CD163L1: variants seen among roughly 807,000 people sequenced by gnomAD.
The protein encoded by CD163L1 is scavenger receptor cysteine-rich type 1 protein M160.
A neutral mutation model predicts 165.4 loss-of-function variants in CD163L1; 124 were observed. The ratio of observed to expected loss-of-function variants is 0.75; its 90% CI spans 0.65 to 0.87. The LOEUF (loss-of-function observed/expected upper bound fraction) is 0.87. Among genes scored for constraint, CD163L1 ranks in the 40% least tolerant of loss-of-function variants. The pLI is 0.00. For synonymous variants in CD163L1, 585 were observed against 662.2 expected (o/e 0.88, Z 1.79); for missense variants, 1,525 against 1,799.9 (o/e 0.85, Z 2.76).
chr12:7,413,616 G>T (rs530743118), intron 4 of CD163L1, among the ~76,000 whole-genome samples: 31 of 152,192 alleles, frequency 2.0e-4, no homozygotes, highest in Admixed American at 7.2e-4. Flanking sequence ...TGTGTGTGAG[G>T]TTCCATAGAT....
chr12:7,437,353 T>C (rs1456233680), intron 2 of CD163L1, among the ~76,000 whole-genome samples: 8 of 55,608 alleles, frequency 1.4e-4, no homozygotes, highest in Non-Finnish European at 3.7e-5. Flanking sequence ...TACTTTTATA[T>C]TTATTAAGTT....
chr12:7,415,603 T>G (rs985746335), intron 4 of CD163L1, among the ~76,000 whole-genome samples: 1 of 151,434 alleles, frequency 6.6e-6, no homozygotes, highest in African/African-American at 2.4e-5. Flanking sequence ...CAGGCCCTGG[T>G]GTGTGATGTT....
intron 18 of CD163L1, among the ~76,000 whole-genome samples, chr12:7,365,261 C>T (rs1565772921): frequency 1.3e-5 from 2 of 152,026 alleles, no homozygotes; most frequent in South Asian, 2.1e-4. Flanking sequence ...TATAAAACAC[C>T]AAATAAAAAC....
At chr12:7,362,888 T>G (rs980769852) in intron 18 of CD163L1, among the ~76,000 whole-genome samples, 12 of 150,890 alleles carry the variant, frequency 8.0e-5, no homozygotes, top group African/African-American at 2.9e-4. Context: ...AACAAGTGGA[T>G]AAAGAAAATG....
At chr12:7,340,353 G>C in the CD163L1 span, among the ~76,000 whole-genome samples, 3 of 152,040 alleles carry the variant, frequency 2.0e-5, no homozygotes, top group Non-Finnish European at 4.4e-5. Context: ...TTGGGTTGTC[G>C]CCTCCCCACC....
chr12:7,352,026 A>T (rs1946709467), downstream of CD163L1, among the ~76,000 whole-genome samples: 1 of 152,190 alleles, frequency 6.6e-6, no homozygotes, highest in South Asian at 2.1e-4. Flanking sequence ...GCTCTTACTG[A>T]CAGTAGAATT....
intron 2 of CD163L1, among the ~76,000 whole-genome samples, chr12:7,436,687 G>A (rs915507508): frequency 4.1e-5 from 6 of 146,764 alleles, no homozygotes; most frequent in Admixed American, 6.9e-5. Flanking sequence ...GTGAAACTCC[G>A]TCTCTTTAAA....
rs140510933 is a variant in CD163L1 at position 7,425,913 on chromosome 12, A to G, written c.766+6503T>C. ...TCCTCAAGGGTTTAGAACTAGAAAT[A>G]CCATTTGACCCATCAATCCCATTAC... On this transcript the variant is annotated intron_variant, in intron 4 of 19. Coordinates refer to ENST00000313599, the MANE Select transcript of CD163L1 (RefSeq NM_174941.6). Among the ~76,000 whole-genome samples the G allele has an allele frequency of 2.0e-5, 3 of 152,284 alleles. 1 individual carries two copies. Among genetic ancestry groups the G allele is most frequent in the African/African-American group, 7.2e-5 (3 of 41,564 alleles).
In CD163L1 at chr12:7,368,041, G is replaced by A; in HGVS notation, c.4183+46C>T. Reference sequence around the variant, plus strand: ...AGAATCCCCCATCCTGTGTGCCCTTGGTGGCAGGTAACTCACATTTTATAC... The same window carrying A: ...AGAATCCCCCATCCTGTGTGCCCTTAGTGGCAGGTAACTCACATTTTATAC... On this transcript the variant is annotated intron_variant, in intron 17 of 19. Coordinates refer to ENST00000313599, the MANE Select transcript of CD163L1 (RefSeq NM_174941.6). The surrounding 1 kb of genome is among the most constrained non-coding windows in gnomAD (Gnocchi z 4.3). 1 of 1,080,138 alleles carries A rather than the reference G, an allele frequency of 9.3e-7. No individual in the cohort carries two copies. Among genetic ancestry groups the A allele is most frequent in the Non-Finnish European group, 1.4e-6 (1 of 697,460 alleles). 66.9% of individuals were successfully genotyped at this position (1,080,138 alleles called of 1,614,324 possible).
chr12:7,357,326 G>A (rs1946798052), intron 19 of CD163L1, 54 bp downstream of exon 19: 11 of 1,139,112 alleles, frequency 9.7e-6, no homozygotes, highest in African/African-American at 1.5e-5. Context: ...TTAATTCTGC[G>A]ACAGTGGGAG....
rs1343659654 is a variant in CD163L1 at position 7,369,515 on chromosome 12, G to A, written c.3881C>T (p.Ala1294Val). Reference sequence around the variant, plus strand: ...GCCAAACGAAGCGTCCCTCAGGGCAGCCAGAGCAGAGCCACAGCCCAGCTG... The same window carrying A: ...GCCAAACGAAGCGTCCCTCAGGGCAACCAGAGCAGAGCCACAGCCCAGCTG... The part of the protein sequence containing the change: ...CQQLGCGSAL[A>V]ALRDASFGQG... Residue 1294 changes from alanine (A) to valine (V), a missense_variant, in exon 15 of 20, where the codon GCT becomes GTT. Coordinates refer to ENST00000313599, the MANE Select transcript of CD163L1 (RefSeq NM_174941.6). The surrounding 1 kb of genome is among the most constrained non-coding windows in gnomAD (Gnocchi z 4.9). 6.2e-7 allele frequency: 1 copy of A among 1,614,136 alleles called. No individual in the cohort carries two copies.
At chr12:7,411,461 T>C (rs1948136801) in intron 4 of CD163L1, among the ~76,000 whole-genome samples, 1 of 152,162 alleles carries the variant, frequency 6.6e-6, no homozygotes, top group African/African-American at 2.4e-5. Flanking sequence ...CTCTCATGAA[T>C]GGCTTTGTGC....
chr12:7,358,644 C>T (rs1038247619), intron 18 of CD163L1, among the ~76,000 whole-genome samples: 1 of 152,130 alleles, frequency 6.6e-6, no homozygotes, highest in Non-Finnish European at 1.5e-5. Context: ...CACCAACACT[C>T]TCTTTACCTC....
Position 7,374,473 on chromosome 12 carries a change from C to T in CD163L1, c.3378G>A (p.Arg1126=), listed in dbSNP as rs1423059438. Residue 1126 remains arginine (R), a synonymous_variant, in exon 13 of 20, where the codon AGG becomes AGA. Coordinates refer to ENST00000313599, the MANE Select transcript of CD163L1 (RefSeq NM_174941.6). This position sits in a 1 kb window ranked among gnomAD's most constrained non-coding sequence, Gnocchi z 5.4. The part of the protein sequence containing the change: ...PSRGWGQHDC[R]HKEDAGVICS... ...AGATGACCCCTGCGTCCTCCTTGTG[C>T]CTGCAGTCGTGCTGCCCCCAGCCGC... 1 of 1,613,768 alleles carries T rather than the reference C, an allele frequency of 6.2e-7. No individual in the cohort carries two copies. Among genetic ancestry groups the T allele is most frequent in the Non-Finnish European group, 8.5e-7 (1 of 1,179,824 alleles).
chr12:7,440,749 C>T (rs955155053), intron 2 of CD163L1, among the ~76,000 whole-genome samples: 10 of 151,890 alleles, frequency 6.6e-5, no homozygotes, highest in African/African-American at 2.2e-4. Flanking sequence ...ACTTCAGCCC[C>T]CCAAGTAGCT....
Position 7,375,318 on chromosome 12 carries a change from G to A in CD163L1, c.2964C>T (p.Pro988=). Residue 988 remains proline (P), a synonymous_variant, in exon 11 of 20, where the codon CCC becomes CCT. Coordinates refer to ENST00000313599, the MANE Select transcript of CD163L1 (RefSeq NM_174941.6). Reference sequence around the variant, plus strand: ...CAGAGACAGTATTTCCATGGATACAGGGAGGTGCTCCAAGAACTGTCATTT... The same window carrying A: ...CAGAGACAGTATTTCCATGGATACAAGGAGGTGCTCCAAGAACTGTCATTT... The part of the protein sequence containing the change: ...NCQMTVLGAP[P]CIHGNTVSVI... 1 of 1,614,124 alleles carries A rather than the reference G, an allele frequency of 6.2e-7. No individual in the cohort carries two copies. The highest frequency in any genetic ancestry group is 2.2e-5 in the East Asian group (1 of 44,874).
In CD163L1 at chr12:7,441,153, C is replaced by T; in HGVS notation, c.124+1G>A. The T allele has an allele frequency of 6.2e-7, 1 of 1,611,358 alleles. No homozygotes were observed. On this transcript the variant is annotated splice_donor_variant, in intron 2 of 19. Coordinates refer to ENST00000313599, the MANE Select transcript of CD163L1 (RefSeq NM_174941.6). LOFTEE classifies it high-confidence loss of function. ...AAAAGTTATCATCCATCAGAACTCA[C>T]TAAAACTGCTGATGAGAAAGCAGGA...
chr12:7,322,689 T>G, the CD163L1 span: 1 of 967,688 alleles, frequency 1.0e-6, no homozygotes, highest in Non-Finnish European at 1.5e-6. Context: ...TACCAAAACT[T>G]GCAGATTGCT....
chr12:7,419,955 C>A (rs111409913), intron 4 of CD163L1, among the ~76,000 whole-genome samples: 46 of 151,888 alleles, frequency 3.0e-4, no homozygotes, highest in African/African-American at 1.1e-3. Context: ...AACTTCACTT[C>A]AAACTATAAG....
Sources: gnomAD v4.1 joint callset for allele counts (sites outside exome capture counted in the v4.1 genomes callset) on GRCh38, gnomAD v4.1.1 for gene constraint, Gnocchi (gnomAD v3.1) non-coding constraint, MANE v1.5 for transcripts, NCBI Gene and HGNC (gene_info 2026-07-23, HGNC 2026-07-21) for gene names.